CDC7: variants seen among roughly 807,000 people sequenced by gnomAD.
CDC7 encodes cell division cycle 7.
A neutral mutation model predicts 53.5 loss-of-function variants in CDC7; 34 were observed. The observed-to-expected ratio is 0.64, with a 90% CI of 0.48 to 0.85. CDC7 has a LOEUF of 0.85. CDC7 is among the 40% of genes least tolerant of loss of function. The pLI, the probability that CDC7 is intolerant of heterozygous loss-of-function variation, is 0.00. For missense variants in CDC7, 594 were observed against 679.7 expected (o/e 0.87, Z 1.40); for synonymous variants, 211 against 222.8 (o/e 0.95, Z 0.47).
chr1:91,504,756 G>A (rs893831509), intron 2 of CDC7, among the ~76,000 whole-genome samples: 2 of 152,150 alleles, frequency 1.3e-5, no homozygotes, highest in Non-Finnish European at 2.9e-5. Context: ...AAACCAGAGA[G>A]TACATGAAGC....
intron 4 of CDC7, 104 bp from the exon 5 acceptor site, chr1:91,511,493 A>T: frequency 1.6e-6 from 1 of 643,482 alleles, no homozygotes; most frequent in Non-Finnish European, 2.8e-6. Context: ...TCAGTTTTCT[A>T]GCAATATGTA....
chr1:91,501,956 G>C, intron 2 of CDC7, 125 bp downstream of exon 2: 1 of 722,938 alleles, frequency 1.4e-6, no homozygotes, highest in Non-Finnish European at 2.3e-6. Flanking sequence ...CTATAGGACA[G>C]TGTTAAAACA....
chr1:91,519,156 A>G (rs543939426), intron 10 of CDC7, among the ~76,000 whole-genome samples: 12 of 151,832 alleles, frequency 7.9e-5, no homozygotes, highest in Non-Finnish European at 1.8e-4. Context: ...TAAAATAACT[A>G]AAAGAGTACT....
chr1:91,508,853 T>C (rs1019859434), intron 4 of CDC7, among the ~76,000 whole-genome samples: 1 of 152,106 alleles, frequency 6.6e-6, no homozygotes, highest in East Asian at 1.9e-4. Context: ...CTGCCCTCCT[T>C]CTTCCACCTG....
At chr1:91,506,336 C>G (rs767269102) in intron 2 of CDC7, among the ~76,000 whole-genome samples, 5 of 152,034 alleles carry the variant, frequency 3.3e-5, no homozygotes, top group African/African-American at 7.2e-5. Flanking sequence ...CTCCCCCTAC[C>G]CTAATCATCC....
chr1:91,503,585 T>C (rs1300175868), intron 2 of CDC7, among the ~76,000 whole-genome samples: 1 of 152,242 alleles, frequency 6.6e-6, no homozygotes, highest in Non-Finnish European at 1.5e-5. Flanking sequence ...AATGATTTAA[T>C]GTAAGGATAT....
At chr1:91,519,935 C>A (rs1403541569) in intron 10 of CDC7, among the ~76,000 whole-genome samples, 195 bp from the exon 11 acceptor site, 1 of 152,124 alleles carries the variant, frequency 6.6e-6, no homozygotes, top group Admixed American at 6.6e-5. Flanking sequence ...TTAAAATCAC[C>A]TGAGGAACTT....
At chr1:91,514,192 C>T (rs1667433560) in intron 8 of CDC7, 149 bp downstream of exon 8, 1 of 495,612 alleles carries the variant, frequency 2.0e-6, no homozygotes, top group East Asian at 3.5e-5. Flanking sequence ...AGCATTTAGT[C>T]AAAACTTGTT....
At chr1:91,501,399 C>A in intron 1 of CDC7, 1 of 283,664 alleles carries the variant, frequency 3.5e-6, no homozygotes, top group Non-Finnish European at 6.6e-6. Context: ...CTGGCAGCCT[C>A]GCCGTTTCCC....
chr1:91,511,560 C>T, intron 4 of CDC7, 37 bp from the exon 5 acceptor site: 2 of 1,372,626 alleles, frequency 1.5e-6, no homozygotes, highest in Non-Finnish European at 2.1e-6. Flanking sequence ...TCCCTCTGAC[C>T]TTTCTTCTAA....
chr1:91,514,060 A>G lies in CDC7; in HGVS notation c.918+17A>G, dbSNP rs1342539372. On this transcript the variant is annotated intron_variant, in intron 8 of 11. Coordinates refer to ENST00000234626, the MANE Select transcript of CDC7 (RefSeq NM_003503.4). Reference sequence around the variant, plus strand: ...GCAGTGAAAGTAAGTAATGTAGCTTAATAGCATAATGGTCAGTCAGTCATA... The same window carrying G: ...GCAGTGAAAGTAAGTAATGTAGCTTGATAGCATAATGGTCAGTCAGTCATA... The G allele has an allele frequency of 6.8e-7, 1 of 1,465,976 alleles. No individual in the cohort carries two copies. Among genetic ancestry groups the G allele is most frequent in the East Asian group, 2.3e-5 (1 of 43,996 alleles). The allele number at this position is 1,465,976 out of a possible 1,614,324, so 90.8% of individuals were successfully genotyped here.
chr1:91,514,337 T>C (rs1022964461), intron 8 of CDC7, among the ~76,000 whole-genome samples: 2 of 152,166 alleles, frequency 1.3e-5, no homozygotes, highest in Non-Finnish European at 2.9e-5. Context: ...TCCATACAGT[T>C]AGCTAACTAT....
At chr1:91,504,105 C>CTTTT (rs1216657728) in intron 2 of CDC7, among the ~76,000 whole-genome samples, 2 of 135,048 alleles carry the variant, frequency 1.5e-5, no homozygotes, top group African/African-American at 2.7e-5. Context: ...TTTTGGCAAG[C>CTTTT]TTTTTTTTTT....
In CDC7 at chr1:91,521,918, G is replaced by A. The variant is rs773488142; in HGVS notation, c.1330+1639G>A. Among the ~76,000 whole-genome samples the A allele has an allele frequency of 8.9e-4, 135 of 151,758 alleles. 1 individual carries two copies. The highest frequency in any genetic ancestry group is 6.9e-3 in the Middle Eastern group (2 of 290). ...GTGGTGACTCACACCTGTAATCCCA[G>A]CACTTTGAGAGGCTTAGGTGGGCAG... On this transcript the variant is annotated intron_variant, in intron 11 of 11. Transcript: ENST00000234626.
chr1:91,512,043 G>A, intron 6 of CDC7, 120 bp downstream of exon 6: 1 of 735,754 alleles, frequency 1.4e-6, no homozygotes, highest in Non-Finnish European at 2.0e-6. Context: ...CTATTGTGAA[G>A]CAAATATTTA....
chr1:91,510,928 C>T (rs1285991370), intron 4 of CDC7, among the ~76,000 whole-genome samples: 1 of 152,134 alleles, frequency 6.6e-6, no homozygotes, highest in African/African-American at 2.4e-5. Context: ...TTCTTCCAAG[C>T]TCAGTTTTCT....
chr1:91,521,651 A>G (rs1002751372), intron 11 of CDC7, among the ~76,000 whole-genome samples: 1 of 152,226 alleles, frequency 6.6e-6, no homozygotes, highest in Non-Finnish European at 1.5e-5. Flanking sequence ...GAAAACTTTC[A>G]TCTACTATTG....
chr1:91,515,660 C>A, intron 9 of CDC7, 134 bp from the exon 10 acceptor site: 4 of 1,001,596 alleles, frequency 4.0e-6, no homozygotes, highest in Admixed American at 3.1e-5. Flanking sequence ...ACTAGATTAT[C>A]ATTTACTTTA....
intron 11 of CDC7, among the ~76,000 whole-genome samples, chr1:91,521,248 A>C (rs1168265534): frequency 1.3e-5 from 2 of 152,252 alleles, no homozygotes; most frequent in African/African-American, 4.8e-5. Flanking sequence ...GGAAAATATG[A>C]TTCAGAAAAA....
Sources: allele counts gnomAD v4.1 joint callset (sites outside exome capture counted in the v4.1 genomes callset), GRCh38; gene constraint gnomAD v4.1.1; transcripts MANE v1.5; gene names NCBI Gene and HGNC (gene_info 2026-07-23, HGNC 2026-07-21).